FER: variants seen among roughly 807,000 people sequenced by gnomAD.
FER encodes the protein tyrosine-protein kinase Fer.
A neutral mutation model predicts 111.0 loss-of-function variants in FER; 63 were observed. That is an observed-to-expected ratio of 0.57 (90% CI 0.46 to 0.70). The LOEUF (loss-of-function observed/expected upper bound fraction) is 0.70. Ranked by LOEUF, FER falls within the 30% of genes least tolerant of loss-of-function variation. The pLI is 0.00. For synonymous variants in FER, 327 were observed against 313.9 expected (o/e 1.04, Z -0.44); for missense variants, 914 against 954.0 (o/e 0.96, Z 0.55).
intron 16 of FER, among the ~76,000 whole-genome samples, chr5:109,100,145 C>G (rs1397793078): frequency 6.6e-6 from 1 of 151,594 alleles, no homozygotes; most frequent in Non-Finnish European, 1.5e-5. Flanking sequence ...TTATTATGAC[C>G]TGGATAATGT....
chr5:108,783,202 A>G (rs1449117951), intron 2 of FER, among the ~76,000 whole-genome samples: 1 of 152,174 alleles, frequency 6.6e-6, no homozygotes, highest in Non-Finnish European at 1.5e-5. Flanking sequence ...TGTTCTGTCC[A>G]TAAGCTCATT....
At chr5:108,817,808 A>T (rs1758435944) in intron 3 of FER, among the ~76,000 whole-genome samples, 2 of 152,202 alleles carry the variant, frequency 1.3e-5, no homozygotes, top group East Asian at 1.9e-4. Flanking sequence ...TTTTCCCCTT[A>T]TGTGTAGTTT....
chr5:108,915,647 G>A (rs1158458975), intron 10 of FER, among the ~76,000 whole-genome samples: 1 of 149,260 alleles, frequency 6.7e-6, no homozygotes, highest in Non-Finnish European at 1.5e-5. Flanking sequence ...TAATTTTGAT[G>A]GGAACTCTTT....
intron 17 of FER, among the ~76,000 whole-genome samples, chr5:109,106,820 G>A (rs1162158694): frequency 1.3e-5 from 2 of 152,172 alleles, no homozygotes; most frequent in African/African-American, 4.8e-5. Flanking sequence ...AATGAAAAAA[G>A]AGACCTTCCT....
intron 13 of FER, among the ~76,000 whole-genome samples, chr5:108,961,603 G>T (rs1167778711): frequency 6.6e-6 from 1 of 152,060 alleles, no homozygotes; most frequent in East Asian, 1.9e-4. Flanking sequence ...AGTTTATCTG[G>T]GTATTAACCT....
Position 109,189,805 on chromosome 5 carries a change from T to C in FER, c.*2230T>C, listed in dbSNP as rs944840035. 14 of 152,200 alleles carry C rather than the reference T, an allele frequency of 9.2e-5. No individual in the cohort carries two copies. Among genetic ancestry groups the C allele is most frequent in the Admixed American group, 7.2e-4 (11 of 15,278 alleles). The allele number at this position is 152,200 out of a possible 1,614,324, so 9.4% of individuals were successfully genotyped here. On this transcript the variant is annotated 3_prime_UTR_variant, in exon 20 of 20. Transcript: ENST00000281092. ...TAGTTTTATGAACAAGACCTAAAGCTTAATCCTGACATTCTGGTGTTAAGA... is the reference window on the plus strand; with the variant it reads ...TAGTTTTATGAACAAGACCTAAAGCCTAATCCTGACATTCTGGTGTTAAGA...
At chr5:109,050,476 T>C (rs1001782096) in intron 16 of FER, among the ~76,000 whole-genome samples, 15 of 152,196 alleles carry the variant, frequency 9.9e-5, no homozygotes, top group Non-Finnish European at 1.6e-4. Context: ...TCCACACACA[T>C]ACAAGTGACT....
chr5:108,849,975 A>C (rs1372535439), intron 5 of FER, among the ~76,000 whole-genome samples: 1 of 152,158 alleles, frequency 6.6e-6, no homozygotes, highest in East Asian at 1.9e-4. Context: ...GTGGATCATG[A>C]GGTCAAGAGA....
chr5:109,126,121 C>T (rs1751686956), intron 17 of FER, among the ~76,000 whole-genome samples: 2 of 152,032 alleles, frequency 1.3e-5, no homozygotes, highest in South Asian at 4.1e-4. Context: ...GAATTATGTG[C>T]TTGGAAATAA....
rs1323778366 is a variant in FER at position 108,785,351 on chromosome 5, G to GC, written c.-59-12772dup. On this transcript the variant is annotated intron_variant, in intron 2 of 19. Transcript: ENST00000281092. ...CAGCCCCAACTGCTACTGGCTCTGT[G>GC]CTGCCATGGGCCCCAGCATCAAGAT... The GC allele has an allele frequency of 1.2e-5, 7 of 577,848 alleles. No individual in the cohort carries two copies. The East Asian group carries it at 1.3e-4, about 11-fold the overall frequency. 35.8% of individuals were successfully genotyped at this position (577,848 alleles called of 1,614,324 possible).
chr5:108,946,030 G>C (rs1055341055), intron 10 of FER, 100 bp from the exon 11 acceptor site: 1 of 702,636 alleles, frequency 1.4e-6, no homozygotes, highest in African/African-American at 1.8e-5. Flanking sequence ...TTAGTTGGAA[G>C]ACATGATGGA....
At chr5:108,853,881 T>C (rs753425731) in intron 5 of FER, among the ~76,000 whole-genome samples, 7 of 152,178 alleles carry the variant, frequency 4.6e-5, no homozygotes, top group Non-Finnish European at 8.8e-5. Flanking sequence ...TGTTGTAACC[T>C]TTTTGAGAAT....
chr5:108,783,135 A>T (rs879809076), intron 2 of FER, among the ~76,000 whole-genome samples: 14 of 151,966 alleles, frequency 9.2e-5, no homozygotes, highest in East Asian at 1.9e-4. Context: ...CAGGTCCGTG[A>T]GGCTTTCTTA....
At chr5:108,943,140 A>G (rs1756496565) in intron 10 of FER, among the ~76,000 whole-genome samples, 1 of 152,120 alleles carries the variant, frequency 6.6e-6, no homozygotes, top group African/African-American at 2.4e-5. Context: ...TTCAAAGGGT[A>G]CCTCAGGCGA....
At chr5:108,920,460 A>C (rs1204110494) in intron 10 of FER, among the ~76,000 whole-genome samples, 2 of 152,150 alleles carry the variant, frequency 1.3e-5, no homozygotes, top group African/African-American at 4.8e-5. Context: ...AAGTAATTAC[A>C]CTGATAATCT....
intron 17 of FER, among the ~76,000 whole-genome samples, chr5:109,104,357 A>C (rs1436642899): frequency 6.6e-6 from 1 of 152,224 alleles, no homozygotes; most frequent in East Asian, 1.9e-4. Context: ...CCTCAGATGG[A>C]TAGAACAAAA....
chr5:108,851,998 C>A (rs1762585722), intron 5 of FER, among the ~76,000 whole-genome samples: 1 of 152,152 alleles, frequency 6.6e-6, no homozygotes, highest in Non-Finnish European at 1.5e-5. Flanking sequence ...TTCTCTTCAC[C>A]CTCTTTTATC....
At chr5:109,032,690 G>A (rs1391519662) in intron 13 of FER, among the ~76,000 whole-genome samples, 1 of 152,100 alleles carries the variant, frequency 6.6e-6, no homozygotes, top group Non-Finnish European at 1.5e-5. Context: ...TATTTGCTTA[G>A]GCAATTAGAA....
chr5:109,117,412 C>T (rs954576684), intron 17 of FER, among the ~76,000 whole-genome samples: 3 of 152,016 alleles, frequency 2.0e-5, no homozygotes, highest in Non-Finnish European at 4.4e-5. Flanking sequence ...AGGACATTGT[C>T]GTGTACTTCT....
Sources: allele counts gnomAD v4.1 joint callset (sites outside exome capture counted in the v4.1 genomes callset), GRCh38; gene constraint gnomAD v4.1.1; transcripts MANE v1.5; gene names NCBI Gene and HGNC (gene_info 2026-07-23, HGNC 2026-07-21).